Variants in ITLN2 observed in about 807,000 individuals in gnomAD.
The protein encoded by ITLN2 is intelectin-2.
ITLN2 carries 29 observed loss-of-function variants against 39.4 expected under a neutral mutation model. The observed-to-expected ratio is 0.74, with a 90% confidence interval of 0.55 to 1.00. The LOEUF is 1.00. Ranked by LOEUF, ITLN2 falls within the 50% of genes least tolerant of loss-of-function variation. The probability of loss-of-function intolerance (pLI) is 0.00; values close to 1 mark genes in which losing one functional copy is unlikely to be tolerated. For missense variants in ITLN2, 412 were observed against 416.7 expected (o/e 0.99, Z 0.10); for synonymous variants, 156 against 153.4 (o/e 1.02, Z -0.12).
At chr1:160,951,514 A>C (rs913250273) in intron 3 of ITLN2, 6 of 560,974 alleles carry the variant, frequency 1.1e-5, no homozygotes, top group Non-Finnish European at 1.8e-5. Context: ...TAGAGCAAAT[A>C]GTCTTAGAAG....
chr1:160,952,378 A>G (rs186217533), intron 3 of ITLN2, among the ~76,000 whole-genome samples: 110 of 151,934 alleles, frequency 7.2e-4, no homozygotes, highest in African/African-American at 2.5e-3. Flanking sequence ...TCTCAGACGC[A>G]TCACAGTTCT....
chr1:160,954,334 A>G, intron 2 of ITLN2, 53 bp downstream of exon 2: 1 of 1,331,226 alleles, frequency 7.5e-7, no homozygotes, highest in Non-Finnish European at 1.1e-6. Flanking sequence ...CAGGCCCTGC[A>G]CAGCAGAGGG....
rs758336172 is a variant in ITLN2, at chr1:160,951,269, G to A, written c.215C>T (p.Thr72Ile). ...SAGDGLYFLR[T>I]KNGVVYQTFC... ...GGTCTGGTAGACAACACCATTCTTG[G>A]TGCGGAGAAAATACAGGCCATCTGT... is the stretch of plus-strand genomic sequence containing the variant. The change falls in exon 4 of 8, where the codon ACC becomes ATC. Residue 72 changes from threonine to isoleucine, a missense_variant. Coordinates refer to ENST00000368029, the MANE Select transcript of ITLN2 (RefSeq NM_080878.3). 1.9e-6 allele frequency: 3 copies of A among 1,591,872 alleles called. No individual in the cohort carries two copies. In the South Asian group the frequency reaches 3.5e-5, roughly 18 times the overall value.
At chr1:160,954,517 T>C in intron 1 of ITLN2, 67 bp from the exon 2 acceptor site, 1 of 1,374,118 alleles carries the variant, frequency 7.3e-7, no homozygotes, top group Non-Finnish European at 1.0e-6. Context: ...CGTTCTTACT[T>C]CCTAACCTTT....
chr1:160,954,115 A>G (rs1305135661), intron 2 of ITLN2, among the ~76,000 whole-genome samples: 5 of 152,122 alleles, frequency 3.3e-5, no homozygotes, highest in African/African-American at 7.2e-5. Flanking sequence ...CTCTCACCCC[A>G]TGAACCCCTC....
chr1:160,954,456 G>A lies in ITLN2; in HGVS notation c.16-6C>T, dbSNP rs1265363018. The A allele has an allele frequency of 6.4e-7, 1 of 1,574,724 alleles. No individual in the cohort carries two copies. Among genetic ancestry groups the A allele is most frequent in the Admixed American group, 1.9e-5 (1 of 54,028 alleles). On this transcript the variant is annotated splice_polypyrimidine_tract_variant and splice_region_variant and intron_variant, in intron 1 of 7. Transcript: ENST00000368029. ...CAGAGTCTGGTCATTGTCCTCTAAG[G>A]AAAAACAAGATGCACAAGGTCACTG...
At chr1:160,950,999 T>A in intron 4 of ITLN2, 44 bp downstream of exon 4, 2 of 1,614,066 alleles carry the variant, frequency 1.2e-6, no homozygotes, top group Non-Finnish European at 1.7e-6. Flanking sequence ...CCAGCCACAC[T>A]CCACACCTCA....
At chr1:160,947,526 A>G (rs1671633864) in intron 7 of ITLN2, among the ~76,000 whole-genome samples, 1 of 152,144 alleles carries the variant, frequency 6.6e-6, no homozygotes, top group Non-Finnish European at 1.5e-5. Context: ...CCATGAGGCC[A>G]TATCTCAGGC....
At chr1:160,950,381 TG>T (rs1474374314) in intron 5 of ITLN2, among the ~76,000 whole-genome samples, 171 bp downstream of exon 5, 1 of 152,168 alleles carries the variant, frequency 6.6e-6, no homozygotes, top group Non-Finnish European at 1.5e-5. Context: ...TCTTCCTTGC[TG>T]GCTTAGAGTT....
chr1:160,951,384 A>T (rs1671740576), intron 3 of ITLN2, 94 bp from the exon 4 acceptor site: 3 of 1,461,570 alleles, frequency 2.1e-6, no homozygotes, highest in Non-Finnish European at 1.8e-6. Flanking sequence ...TCAAAAGCAC[A>T]CTCAGAAGAC....
At chr1:160,947,200 G>C (rs1671625235) in intron 7 of ITLN2, among the ~76,000 whole-genome samples, 1 of 152,168 alleles carries the variant, frequency 6.6e-6, no homozygotes, top group Non-Finnish European at 1.5e-5. Flanking sequence ...TCAAGGAAAG[G>C]TACTGTGCCC....
In ITLN2 at chr1:160,950,634, C is replaced by T. The variant is rs1297656617; in HGVS notation, c.519G>A (p.Trp173Ter). 1.2e-6 allele frequency: 2 copies of T among 1,614,216 alleles called. No individual in the cohort carries two copies. The highest frequency in any genetic ancestry group is 1.7e-6 in the Non-Finnish European group (2 of 1,180,030). The change falls in exon 5 of 8, where the codon TGG becomes TGA. Residue 173 changes from tryptophan to a stop codon, truncating the protein, a stop_gained. Coordinates refer to ENST00000368029, the MANE Select transcript of ITLN2 (RefSeq NM_080878.3). LOFTEE classifies it high-confidence loss of function. ...GGTACCTCAGCAGGGCGCTGTTTCTCCAATGCTGCATGGGGGACTTGTTGG... is the reference window on the plus strand; with the variant it reads ...GGTACCTCAGCAGGGCGCTGTTTCTTCAATGCTGCATGGGGGACTTGTTGG... ...HVPNKSPMQH[W>*]RNSALLRYRT...
In ITLN2 at chr1:160,945,036, T is replaced by C; in HGVS notation, c.*104A>G. 6 of 950,820 alleles carry C rather than the reference T, an allele frequency of 6.3e-6. No individual in the cohort carries two copies. Among genetic ancestry groups the C allele is most frequent in the Non-Finnish European group, 7.7e-6 (5 of 651,832 alleles). 58.9% of individuals were successfully genotyped at this position (950,820 alleles called of 1,614,324 possible). A position where few individuals can be genotyped will look rare whatever the true frequency, so the allele number is the denominator to read the frequency against. On this transcript the variant is annotated 3_prime_UTR_variant, in exon 8 of 8. Coordinates refer to ENST00000368029, the MANE Select transcript of ITLN2 (RefSeq NM_080878.3). ...AAAGAAACATAGAGTTGCAAATTGA[T>C]GTGATTTAGTCTCCTCTCCTCCTTG...
intron 7 of ITLN2, among the ~76,000 whole-genome samples, chr1:160,945,532 A>C (rs1022128507): frequency 6.6e-6 from 1 of 152,220 alleles, no homozygotes; most frequent in African/African-American, 2.4e-5. Context: ...CAGAGCCAGT[A>C]GAGAAACTTG....
rs200061193 is a variant in ITLN2 at position 160,951,153 on chromosome 1, G to C, written c.331C>G (p.Arg111Gly). ...DMRGKCTVGDRWSSQQGNKAD... is the reference protein window; with the variant it reads ...DMRGKCTVGDGWSSQQGNKAD... The stretch of plus-strand genomic sequence containing the variant: ...TTGTTGCCCTGCTGACTGGACCAGC[G>C]ATCACCCACCGTGCACTTCCCACGC... The change falls in exon 4 of 8, where the codon CGC becomes GGC. Residue 111 changes from arginine to glycine, a missense_variant. Arg to Gly is a moderately radical substitution (Grantham distance 125, BLOSUM62 -2). Coordinates refer to ENST00000368029, the MANE Select transcript of ITLN2 (RefSeq NM_080878.3). The C allele has an allele frequency of 1.2e-6, 2 of 1,614,102 alleles. No individual in the cohort carries two copies. The highest frequency in any genetic ancestry group is 2.2e-5 in the East Asian group (1 of 44,876).
At chr1:160,952,292 T>C (rs1032971009) in intron 3 of ITLN2, among the ~76,000 whole-genome samples, 1 of 152,236 alleles carries the variant, frequency 6.6e-6, no homozygotes, top group Admixed American at 6.5e-5. Context: ...CTGTGATTAA[T>C]AAAGCTCTTT....
At chr1:160,950,811 G>A (rs1671724569) in intron 4 of ITLN2, 100 bp from the exon 5 acceptor site, 9 of 1,525,272 alleles carry the variant, frequency 5.9e-6, no homozygotes, top group African/African-American at 1.4e-5. Flanking sequence ...TCTGGGATCA[G>A]TAGGCAGATG....
At position 160,949,821 on chromosome 1, in the gene ITLN2, G is replaced by A. The variant is rs889404798; in HGVS notation, c.721+225C>T. On this transcript the variant is annotated intron_variant, in intron 6 of 7. Transcript: ENST00000368029. ...TAAGAGTATACAAGGTGGTGATGAA[G>A]AAACCTGGGATTACGTGCTGTGAAA... is the stretch of plus-strand genomic sequence containing the variant. 1.2e-5 allele frequency: 6 copies of A among 501,620 alleles called. No homozygotes were observed. In the Admixed American group the frequency reaches 1.9e-4, roughly 16 times the overall value. 31.1% of individuals were successfully genotyped at this position (501,620 alleles called of 1,614,324 possible). A position where few individuals can be genotyped will look rare whatever the true frequency, so the allele number is the denominator to read the frequency against.
chr1:160,945,179 C>A lies in ITLN2; in HGVS notation c.939G>T (p.Arg313=). ...AGAGTACAGCCGCCTCCGTTATCTC[C>A]CGACTGCAGCTGCTCTTAACGTGAG... The part of the protein sequence containing the change: ...YGTHVKSSCS[R]EITEAAVLLF... The change falls in exon 8 of 8, where the codon CGG becomes CGT. Residue 313 remains arginine (R), a synonymous_variant. Coordinates refer to ENST00000368029, the MANE Select transcript of ITLN2 (RefSeq NM_080878.3). 6.2e-7 allele frequency: 1 copy of A among 1,606,434 alleles called. No individual in the cohort carries two copies. The highest frequency in any genetic ancestry group is 1.7e-4 in the Middle Eastern group (1 of 6,044).
Sources: allele counts gnomAD v4.1 joint callset (sites outside exome capture counted in the v4.1 genomes callset), GRCh38; gene constraint gnomAD v4.1.1; transcripts MANE v1.5; gene names NCBI Gene and HGNC (gene_info 2026-07-23, HGNC 2026-07-21).